CDHR2: variants seen among roughly 807,000 people sequenced by gnomAD.
CDHR2 encodes the protein cadherin related family member 2, also known as cadherin-related family member 2.
CDHR2 carries 104 observed loss-of-function variants against 138.6 expected under a neutral mutation model. The ratio of observed to expected loss-of-function variants is 0.75; its 90% CI spans 0.64 to 0.88. The LOEUF (loss-of-function observed/expected upper bound fraction) is 0.88. CDHR2 is among the 40% of genes least tolerant of loss of function. CDHR2 has a pLI of 0.00. For synonymous variants in CDHR2, 755 were observed against 742.8 expected (o/e 1.02, Z -0.27); for missense variants, 1,624 against 1,727.6 (o/e 0.94, Z 1.06).
chr5:176,569,959 C>CAAAAAA (rs67181310), intron 5 of CDHR2, among the ~76,000 whole-genome samples: 72 of 141,648 alleles, frequency 5.1e-4, no homozygotes, highest in East Asian at 2.5e-3. Context: ...GACTCCGTCT[C>CAAAAAA]AAAAAAAAAA....
At chr5:176,546,470 T>C (rs770842465), upstream of CDHR2, among the ~76,000 whole-genome samples, 3 of 151,994 alleles carry the variant, frequency 2.0e-5, no homozygotes, top group Middle Eastern at 3.2e-3. Context: ...GGTGACTTCA[T>C]TACATCCTCA....
At chr5:176,585,625 G>T (rs1758640203) in intron 19 of CDHR2, among the ~76,000 whole-genome samples, 1 of 152,230 alleles carries the variant, frequency 6.6e-6, no homozygotes, top group Admixed American at 6.5e-5. Flanking sequence ...CACCACTATT[G>T]CTGTGTGACT....
chr5:176,569,306 C>T lies in CDHR2; in HGVS notation c.315+296C>T, dbSNP rs1483028847. ...TTAAATGTTTTTTTTTTTTTTGAGA[C>T]GGAGTCTCGCTCTGTCGCCCAGGCT... On this transcript the variant is annotated intron_variant, in intron 5 of 31. Transcript: ENST00000261944. Among the ~76,000 whole-genome samples, 8 of 134,620 alleles carry T rather than the reference C, an allele frequency of 5.9e-5. 1 individual carries two copies. The highest frequency in any genetic ancestry group is 4.5e-4 in the South Asian group (2 of 4,404). 88.3% of individuals were successfully genotyped at this position (134,620 alleles called of 152,430 possible).
chr5:176,575,634 T>C, intron 10 of CDHR2, 53 bp downstream of exon 10: 3 of 1,603,590 alleles, frequency 1.9e-6, no homozygotes, highest in Non-Finnish European at 2.6e-6. Context: ...GGGTGGGGTC[T>C]CCGTCAGAGT....
intron 1 of CDHR2, among the ~76,000 whole-genome samples, chr5:176,556,313 G>C (rs910106406): frequency 6.6e-6 from 1 of 152,168 alleles, no homozygotes; most frequent in African/African-American, 2.4e-5. Flanking sequence ...AGGCTGCCCT[G>C]AGCCAGGATA....
chr5:176,584,310 C>A (rs761574954), intron 18 of CDHR2, 51 bp downstream of exon 18: 11 of 1,612,940 alleles, frequency 6.8e-6, no homozygotes, highest in Non-Finnish European at 9.3e-6. Context: ...CCCAGTGTGG[C>A]TTTGTCAGGG....
chr5:176,566,105 T>A lies in CDHR2; in HGVS notation c.124+362T>A, dbSNP rs972206343. Among the ~76,000 whole-genome samples the A allele has an allele frequency of 2.0e-5, 3 of 152,112 alleles. No individual in the cohort carries two copies. The East Asian group carries it at 5.8e-4, about 29-fold the overall frequency. On this transcript the variant is annotated intron_variant, in intron 3 of 31. Coordinates refer to ENST00000261944, the MANE Select transcript of CDHR2 (RefSeq NM_017675.6). ...CCACTCCCACGCTGGCTTTTTTTTT[T>A]TTTAAAGGGAGAGCAGGTGTCAGGC...
Position 176,590,322 on chromosome 5 carries a change from G to C in CDHR2, c.3345G>C (p.Glu1115Asp), listed in dbSNP as rs749529508. 9.3e-6 allele frequency: 15 copies of C among 1,614,216 alleles called. No homozygotes were observed. The highest frequency in any genetic ancestry group is 1.3e-5 in the Non-Finnish European group (15 of 1,180,030). ...ATGGGTCAGCCCTGACCCTTGATGA[G>C]CTGAGTGTGTGAGTGGGGCTGCCCT... ...FPNGSALTLD[E>D]LSVMIRNDQD... Residue 1115 changes from glutamate (E) to aspartate (D), a missense_variant, in exon 26 of 32, where the codon GAG (glutamate) becomes GAC (aspartate). This residue lies in a region of CDHR2 where 556 missense variants were observed against 565.7 expected (regional missense o/e 0.98). Coordinates refer to ENST00000261944, the MANE Select transcript of CDHR2 (RefSeq NM_017675.6).
rs760386639 is a variant in CDHR2 at position 176,585,943 on chromosome 5, T to C, written c.2735-11T>C. ...TGCCCAGAGCCAAAGCCAGCTGACC[T>C]TGTCTCCTAGGAAGCCTCCTCATTA... On this transcript the variant is annotated splice_polypyrimidine_tract_variant and intron_variant, in intron 19 of 31. Coordinates refer to ENST00000261944, the MANE Select transcript of CDHR2 (RefSeq NM_017675.6). The C allele has an allele frequency of 3.7e-6, 6 of 1,611,196 alleles. No homozygotes were observed. In the East Asian group the frequency reaches 1.3e-4, roughly 36 times the overall value.
At chr5:176,589,465 C>G (rs1174479801) in intron 23 of CDHR2, 27 bp downstream of exon 23, 11 of 1,610,504 alleles carry the variant, frequency 6.8e-6, no homozygotes, top group Admixed American at 5.0e-5. Flanking sequence ...CCTCCAGCCC[C>G]CAACGCCCTC....
At chr5:176,565,519 G>C (rs1758058683) in intron 2 of CDHR2, 115 bp downstream of exon 2, 7 of 1,276,404 alleles carry the variant, frequency 5.5e-6, no homozygotes, top group Non-Finnish European at 7.9e-6. Flanking sequence ...GGCCAGCCCT[G>C]TGCTTGGCTA....
chr5:176,589,350 C>G lies in CDHR2; in HGVS notation c.3029C>G (p.Ser1010Cys), dbSNP rs763359184. The change falls in exon 23 of 32, where the codon TCC (serine) becomes TGC (cysteine). Residue 1010 changes from serine (S) to cysteine (C), a missense_variant. Coordinates refer to ENST00000261944, the MANE Select transcript of CDHR2 (RefSeq NM_017675.6). ...GSIQPVTSLD[S>C]TLQGTYQVTV... ...CGCAGGCCGGTGACCAGCCTCGACTCCACTCTCCAAGGCACCTACCAAGTG... is the reference window on the plus strand; with the variant it reads ...CGCAGGCCGGTGACCAGCCTCGACTGCACTCTCCAAGGCACCTACCAAGTG... 5 of 1,555,900 alleles carry G rather than the reference C, an allele frequency of 3.2e-6. No homozygotes were observed. Among genetic ancestry groups the G allele is most frequent in the Non-Finnish European group, 3.5e-6 (4 of 1,150,548 alleles).
chr5:176,563,519 CAG>C (rs1758014734), intron 1 of CDHR2, among the ~76,000 whole-genome samples: 1 of 152,060 alleles, frequency 6.6e-6, no homozygotes, highest in African/African-American at 2.4e-5. Flanking sequence ...GCAGTTAGAA[CAG>C]AGTTTCTTCT....
chr5:176,590,784 A>C, intron 28 of CDHR2, 97 bp downstream of exon 28: 1 of 1,518,560 alleles, frequency 6.6e-7, no homozygotes, highest in Non-Finnish European at 9.0e-7. Context: ...GCTTAGGCAC[A>C]GGTATACATG....
In CDHR2 at chr5:176,584,484, T is replaced by A. The variant is rs1161726049; in HGVS notation, c.2203T>A (p.Ser735Thr). 1 of 1,612,784 alleles carries A rather than the reference T, an allele frequency of 6.2e-7. No individual in the cohort carries two copies. ...CAACAACCGCATCAGCTTCAGCCTG[T>A]CGGGGAGTGGTGCCAACTACTTCAT... Reference protein sequence around the residue: ...EANNRISFSLSGSGANYFMIR... With the variant: ...EANNRISFSLTGSGANYFMIR... The change falls in exon 19 of 32, where the codon TCG (serine) becomes ACG (threonine). Residue 735 changes from serine to threonine, a missense_variant. Transcript: ENST00000261944.
chr5:176,588,412 AGG>A (rs1291609339), intron 21 of CDHR2, among the ~76,000 whole-genome samples: 5 of 66,696 alleles, frequency 7.5e-5, no homozygotes, highest in East Asian at 3.5e-4. Context: ...TGAGAGAGTG[AGG>A]GTGTGAGTGT....
rs757157659 is a variant in CDHR2, at chr5:176,589,398, C to T, written c.3077C>T (p.Pro1026Leu). 30 of 1,575,328 alleles carry T rather than the reference C, an allele frequency of 1.9e-5. No individual in the cohort carries two copies. Among genetic ancestry groups the T allele is most frequent in the Non-Finnish European group, 2.5e-5 (29 of 1,158,760 alleles). ...GTGACAGTCCAGGCCAGGGACAGAC[C>T]TTCCTTGGGTCCTTTCCTGGAAGCC... ...YQVTVQARDRPSLGPFLEATT... is the reference protein window; with the variant it reads ...YQVTVQARDRLSLGPFLEATT... The change falls in exon 23 of 32, where the codon CCT becomes CTT. Residue 1026 changes from proline to leucine, a missense_variant. Coordinates refer to ENST00000261944, the MANE Select transcript of CDHR2 (RefSeq NM_017675.6).
rs1554144509 is a variant in CDHR2 at position 176,591,959 on chromosome 5, C to CGGT, written c.3734+492_3734+494dup. ...ATGGTGGTGATGATGGTGATGATGA[C>CGGT]GGTGGTGGTGGTGGTGGTGTTGGTG... On this transcript the variant is annotated intron_variant, in intron 30 of 31. Transcript: ENST00000261944. Among the ~76,000 whole-genome samples the CGGT allele has an allele frequency of 2.6e-3, 142 of 55,018 alleles. 2 individuals are homozygous for CGGT. The highest frequency in any genetic ancestry group is 9.0e-3 in the African/African-American group (132 of 14,724). 36.1% of individuals were successfully genotyped at this position (55,018 alleles called of 152,430 possible). A position where few individuals can be genotyped will look rare whatever the true frequency, so the allele number is the denominator to read the frequency against.
At chr5:176,570,282 C>G (rs1352371511) in intron 5 of CDHR2, among the ~76,000 whole-genome samples, 1 of 152,210 alleles carries the variant, frequency 6.6e-6, no homozygotes, top group Admixed American at 6.5e-5. Flanking sequence ...TTGTTCACAG[C>G]TTTATACTAT....
Sources: gnomAD v4.1 joint callset for allele counts (sites outside exome capture counted in the v4.1 genomes callset) on GRCh38, gnomAD v4.1.1 for gene constraint, gnomAD v4.1.1 regional missense constraint, MANE v1.5 for transcripts, NCBI Gene and HGNC (gene_info 2026-07-23, HGNC 2026-07-21) for gene names.